The following PXYLP1 variants were observed in gnomAD, a reference collection of about 807,000 sequenced individuals.
PXYLP1 encodes 2-phosphoxylose phosphatase 1, also known as acid phosphatase-like 2.
A neutral mutation model predicts 37.9 loss-of-function variants in PXYLP1; 17 were observed. The observed-to-expected ratio is 0.45, with a 90% CI of 0.31 to 0.67. PXYLP1 has a LOEUF of 0.67. Among genes scored for constraint, PXYLP1 ranks in the 30% least tolerant of loss-of-function variants. The pLI is 0.07. For synonymous variants in PXYLP1, 221 were observed against 232.2 expected (o/e 0.95, Z 0.44); for missense variants, 511 against 612.0 (o/e 0.84, Z 1.74).
chr3:141,233,464 A>C (rs200199906), intron 1 of PXYLP1, among the ~76,000 whole-genome samples: 127 of 10,674 alleles, frequency 0.012, no homozygotes, highest in Admixed American at 0.055. Flanking sequence ...AAACCCTGTC[A>C]AAAAAAAAAA....
chr3:141,261,597 G>A (rs951589669), intron 2 of PXYLP1, among the ~76,000 whole-genome samples: 1 of 152,118 alleles, frequency 6.6e-6, no homozygotes, highest in Non-Finnish European at 1.5e-5. Flanking sequence ...CTAAGTTCTG[G>A]TATTACAGGC....
chr3:141,266,386 G>A (rs1032563978), intron 2 of PXYLP1, among the ~76,000 whole-genome samples: 4 of 152,112 alleles, frequency 2.6e-5, no homozygotes, highest in East Asian at 3.9e-4. Flanking sequence ...TGTCTTGGTC[G>A]CCACAGCGCC....
intron 4 of PXYLP1, among the ~76,000 whole-genome samples, chr3:141,283,139 G>T (rs1941992174): frequency 1.0e-5 from 1 of 100,464 alleles, no homozygotes; most frequent in Non-Finnish European, 2.0e-5. Context: ...GCTAATTTTT[G>T]TATTTTTTTT....
At chr3:141,277,095 G>C (rs1941813473) in intron 2 of PXYLP1, among the ~76,000 whole-genome samples, 1 of 152,054 alleles carries the variant, frequency 6.6e-6, no homozygotes, top group African/African-American at 2.4e-5. Flanking sequence ...TGTCTGTTAG[G>C]TTAGTTGCAA....
chr3:141,294,074 G>T lies in PXYLP1; in HGVS notation c.*869G>T, dbSNP rs996866473. 1 of 152,204 alleles carries T rather than the reference G, an allele frequency of 6.6e-6. No individual in the cohort carries two copies. The highest frequency in any genetic ancestry group is 1.9e-4 in the East Asian group (1 of 5,208). The allele number at this position is 152,204 out of a possible 1,614,324, so 9.4% of individuals were successfully genotyped here. A position where few individuals can be genotyped will look rare whatever the true frequency, so the allele number is the denominator to read the frequency against. ...ATACTTGATGTTTATGATGATTGTG[G>T]TACAAGATAGTTTTAAGTATGTTCT... On this transcript the variant is annotated 3_prime_UTR_variant, in exon 6 of 6. Transcript: ENST00000286353.
At chr3:141,287,168 T>C (rs1361974777) in intron 4 of PXYLP1, 146 bp from the exon 5 acceptor site, 31 of 835,526 alleles carry the variant, frequency 3.7e-5, no homozygotes, top group Non-Finnish European at 4.4e-5. Flanking sequence ...AATAATGAAA[T>C]TGGAACTGAA....
chr3:141,292,693 A>C lies in PXYLP1; in HGVS notation c.931A>C (p.Thr311Pro). The change falls in exon 6 of 6, where the codon ACC becomes CCC. Residue 311 changes from threonine to proline, a missense_variant. Transcript: ENST00000286353. The surrounding 1 kb of genome is among the most constrained non-coding windows in gnomAD (Gnocchi z 4.3). ...HFCHNVSFPC[T>P]RNGCVDMEHF... Reference sequence around the variant, plus strand: ...CTGCCACAATGTCAGCTTTCCCTGTACCAGAAATGGCTGTGTTGACATGGA... The same window carrying C: ...CTGCCACAATGTCAGCTTTCCCTGTCCCAGAAATGGCTGTGTTGACATGGA... 1 of 1,614,036 alleles carries C rather than the reference A, an allele frequency of 6.2e-7. No individual in the cohort carries two copies. Among genetic ancestry groups the C allele is most frequent in the Non-Finnish European group, 8.5e-7 (1 of 1,179,994 alleles).
chr3:141,289,411 C>T (rs948000378), intron 5 of PXYLP1, among the ~76,000 whole-genome samples: 2 of 152,132 alleles, frequency 1.3e-5, no homozygotes, highest in Non-Finnish European at 2.9e-5. Context: ...CCAGCCCCTA[C>T]CCACTAGGTG....
chr3:141,241,641 C>G (rs115967948), intron 1 of PXYLP1, among the ~76,000 whole-genome samples: 1 of 152,180 alleles, frequency 6.6e-6, no homozygotes, highest in Admixed American at 6.5e-5. Context: ...AACAGCAAGT[C>G]GACTGTGCCA....
chr3:141,236,113 G>T lies in PXYLP1; in HGVS notation c.-54+4202G>T, dbSNP rs149780458. On this transcript the variant is annotated intron_variant, in intron 1 of 5. Coordinates refer to ENST00000286353, the MANE Select transcript of PXYLP1 (RefSeq NM_001037172.3). ...CCCACAGTCATCTGTGCATGCGTCT[G>T]CCCCTCCCTCCATCAGTGGAGCTCC... Among the ~76,000 whole-genome samples, 224 of 152,312 alleles carry T rather than the reference G, an allele frequency of 1.5e-3. 1 individual carries two copies. The highest frequency in any genetic ancestry group is 4.6e-3 in the African/African-American group (191 of 41,574).
intron 2 of PXYLP1, among the ~76,000 whole-genome samples, chr3:141,266,568 C>T (rs1047330031): frequency 2.1e-5 from 3 of 142,322 alleles, no homozygotes; most frequent in Admixed American, 7.1e-5. Flanking sequence ...AGGGGGCAAC[C>T]TGCTTAGAAG....
chr3:141,249,849 T>C (rs1243643472), intron 1 of PXYLP1, among the ~76,000 whole-genome samples: 1 of 152,144 alleles, frequency 6.6e-6, no homozygotes, highest in African/African-American at 2.4e-5. Context: ...ATAATAATAA[T>C]AACTGAAGCG....
chr3:141,253,200 A>G (rs1941183337), intron 1 of PXYLP1, among the ~76,000 whole-genome samples: 1 of 152,068 alleles, frequency 6.6e-6, no homozygotes. Context: ...GGTCCCACTG[A>G]TGGTAGGACA....
Position 141,294,921 on chromosome 3 carries a change from T to C in PXYLP1, c.*1716T>C, listed in dbSNP as rs758823235. 3.9e-5 allele frequency: 6 copies of C among 152,214 alleles called. No individual in the cohort carries two copies. Among genetic ancestry groups the C allele is most frequent in the Non-Finnish European group, 5.9e-5 (4 of 68,032 alleles). 9.4% of individuals were successfully genotyped at this position (152,214 alleles called of 1,614,324 possible). On this transcript the variant is annotated 3_prime_UTR_variant, in exon 6 of 6. Coordinates refer to ENST00000286353, the MANE Select transcript of PXYLP1 (RefSeq NM_001037172.3). ...GTGACTCGGAAGATTTTTTAAAAAA[T>C]CAATTGATAGTATCTGTTGGTAAAA...
chr3:141,255,422 T>C (rs1018963123), intron 1 of PXYLP1, among the ~76,000 whole-genome samples: 4 of 152,248 alleles, frequency 2.6e-5, no homozygotes, highest in Admixed American at 6.5e-5. Context: ...CATGATGCCA[T>C]GTTGAGCCAA....
intron 1 of PXYLP1, among the ~76,000 whole-genome samples, chr3:141,233,062 A>AAGCTGGCAGTGCGGC (rs1940569966): frequency 1.7e-5 from 1 of 57,910 alleles, no homozygotes. Context: ...GGCAGTGCGG[A>AAGCTGGCAGTGCGGC]GCCCACCCTT....
chr3:141,243,476 C>G (rs1418556960), intron 1 of PXYLP1, among the ~76,000 whole-genome samples: 1 of 152,238 alleles, frequency 6.6e-6, no homozygotes, highest in Non-Finnish European at 1.5e-5. Flanking sequence ...GCCTGTCATC[C>G]ACGGTACGGT....
At chr3:141,266,523 G>C (rs994695435) in intron 2 of PXYLP1, among the ~76,000 whole-genome samples, 1 of 152,128 alleles carries the variant, frequency 6.6e-6, no homozygotes, top group African/African-American at 2.4e-5. Context: ...CAGCAGCCAG[G>C]GGGTGGACTG....
In PXYLP1 at chr3:141,292,494, C is replaced by G; in HGVS notation, c.732C>G (p.Ser244Arg). The change falls in exon 6 of 6, where the codon AGC becomes AGG. Residue 244 changes from serine (S) to arginine (R), a missense_variant. Physicochemically the swap from Ser to Arg is moderately radical, Grantham distance 110. Transcript: ENST00000286353. The surrounding 1 kb of genome is among the most constrained non-coding windows in gnomAD (Gnocchi z 4.3). ...HQPSALFCSG[S>R]CYCPVRNQYL... Reference sequence around the variant, plus strand: ...CAAGTGCGCTGTTCTGCTCTGGAAGCTGCTATTGCCCGGTAAGAAACCAGT... The same window carrying G: ...CAAGTGCGCTGTTCTGCTCTGGAAGGTGCTATTGCCCGGTAAGAAACCAGT... The G allele has an allele frequency of 3.1e-6, 5 of 1,614,216 alleles. No individual in the cohort carries two copies. The highest frequency in any genetic ancestry group is 1.1e-5 in the South Asian group (1 of 91,078).
Sources: gnomAD v4.1 joint callset for allele counts (sites outside exome capture counted in the v4.1 genomes callset) on GRCh38, gnomAD v4.1.1 for gene constraint, Gnocchi (gnomAD v3.1) non-coding constraint, MANE v1.5 for transcripts, NCBI Gene and HGNC (gene_info 2026-07-23, HGNC 2026-07-21) for gene names.